TF: variants seen among roughly 807,000 people sequenced by gnomAD.
TF encodes serotransferrin.
In TF, 55 loss-of-function variants were observed where a neutral mutation model predicts 82.4. The observed-to-expected ratio is 0.67, with a 90% CI of 0.54 to 0.84. TF has a LOEUF of 0.84. Among genes scored for constraint, TF ranks in the 40% least tolerant of loss-of-function variants. The pLI is 0.00. For missense variants in TF, 737 were observed against 868.4 expected (o/e 0.85, Z 1.90); for synonymous variants, 332 against 332.6 (o/e 1.00, Z 0.02).
intron 14 of TF, chr3:133,775,056 C>T: frequency 2.9e-6 from 1 of 339,988 alleles, no homozygotes; most frequent in East Asian, 7.4e-5. Context: ...CCATGTGTTA[C>T]AGCACAGAAA....
At chr3:133,741,659 C>A (rs532727144), upstream of TF, among the ~76,000 whole-genome samples, 1 of 152,266 alleles carries the variant, frequency 6.6e-6, no homozygotes, top group African/African-American at 2.4e-5. Context: ...AAATGATGTT[C>A]CCATACTGAG....
At chr3:133,712,754 G>A in the TF span, 2 of 154,726 alleles carry the variant, frequency 1.3e-5, no homozygotes, top group Non-Finnish European at 2.9e-5. Context: ...GCCCACATAT[G>A]GGCTTACAAC....
chr3:133,775,340 C>CA (rs1934358863), intron 14 of TF, 93 bp from the exon 15 acceptor site: 1 of 1,358,094 alleles, frequency 7.4e-7, no homozygotes, highest in Admixed American at 1.7e-5. Context: ...CGAGAAGGCC[C>CA]AGGTTCTCTA....
chr3:133,746,894 A>T (rs1231050560), intron 1 of TF, among the ~76,000 whole-genome samples: 1 of 152,130 alleles, frequency 6.6e-6, no homozygotes, highest in African/African-American at 2.4e-5. Context: ...TGTCCTGCCA[A>T]GGAAGCGGTG....
At chr3:133,689,958 A>G in the TF span, among the ~76,000 whole-genome samples, 1 of 152,328 alleles carries the variant, frequency 6.6e-6, no homozygotes, top group Admixed American at 6.5e-5. Flanking sequence ...GATAAGTATA[A>G]TAAGGCAAAC....
chr3:133,746,416 C>A lies in TF; in HGVS notation c.-25C>A, dbSNP rs779832047. Reference sequence around the variant, plus strand: ...GCACAGAAGCGAGTCCGACTGTGCTCGCTGCTCAGCGCCGCACCCGGAAGA... The same window carrying A: ...GCACAGAAGCGAGTCCGACTGTGCTAGCTGCTCAGCGCCGCACCCGGAAGA... On this transcript the variant is annotated 5_prime_UTR_variant, in exon 1 of 17. Coordinates refer to ENST00000402696, the MANE Select transcript of TF (RefSeq NM_001063.4). 1.9e-6 allele frequency: 3 copies of A among 1,591,636 alleles called. No homozygotes were observed. Among genetic ancestry groups the A allele is most frequent in the Non-Finnish European group, 1.7e-6 (2 of 1,172,596 alleles).
At chr3:133,698,737 G>A in the TF span, among the ~76,000 whole-genome samples, 1 of 152,160 alleles carries the variant, frequency 6.6e-6, no homozygotes, top group East Asian at 1.9e-4. Flanking sequence ...TTCCAAATAA[G>A]GTCACATTCT....
At chr3:133,756,417 TA>T (rs1933831965) in intron 6 of TF, 80 bp downstream of exon 6, 1 of 1,432,562 alleles carries the variant, frequency 7.0e-7, no homozygotes, top group Non-Finnish European at 9.7e-7. Flanking sequence ...TCATGCTCAG[TA>T]ATTGGAAATG....
chr3:133,781,510 A>G lies in TF; in HGVS notation c.*2890A>G, dbSNP rs1284709337. 6.6e-6 allele frequency: 1 copy of G among 152,166 alleles called. No homozygotes were observed. 9.4% of individuals were successfully genotyped at this position (152,166 alleles called of 1,614,324 possible). Reference sequence around the variant, plus strand: ...AATTAATAAAAGCTACATTTAAACCACACTTATCAAAGTAAAAAATAATGT... The same window carrying G: ...AATTAATAAAAGCTACATTTAAACCGCACTTATCAAAGTAAAAAATAATGT... On this transcript the variant is annotated 3_prime_UTR_variant, in exon 17 of 17. Transcript: ENST00000402696.
chr3:133,690,112 T>C, the TF span, among the ~76,000 whole-genome samples: 6 of 151,824 alleles, frequency 4.0e-5, no homozygotes, highest in Admixed American at 3.3e-4. Context: ...TAGACATAAC[T>C]AGATAAATTA....
At chr3:133,775,338 C>T in intron 14 of TF, 95 bp from the exon 15 acceptor site, 8 of 1,334,126 alleles carry the variant, frequency 6.0e-6, no homozygotes, top group Non-Finnish European at 6.5e-6. Flanking sequence ...GGCGAGAAGG[C>T]CCAGGTTCTC....
the TF span, among the ~76,000 whole-genome samples, chr3:133,695,259 T>TC: frequency 7.4e-3 from 1,107 of 148,674 alleles, 18 homozygotes; most frequent in African/African-American, 0.026. Context: ...TTTTTTTTTT[T>TC]TTTTTTTGAG....
chr3:133,683,480 G>C, the TF span, among the ~76,000 whole-genome samples: 1 of 152,202 alleles, frequency 6.6e-6, no homozygotes, highest in East Asian at 1.9e-4. Flanking sequence ...GACACACATA[G>C]GCTTAAAATA....
chr3:133,665,606 G>A, the TF span, among the ~76,000 whole-genome samples: 1 of 151,930 alleles, frequency 6.6e-6, no homozygotes, highest in African/African-American at 2.4e-5. Context: ...AGTCTCTCCA[G>A]ACCCTGCTTG....
At position 133,747,952 on chromosome 3, in the gene TF, A is replaced by G. The variant is rs572475376; in HGVS notation, c.44-460A>G. Among the ~76,000 whole-genome samples, 5 of 151,884 alleles carry G rather than the reference A, an allele frequency of 3.3e-5. No individual in the cohort carries two copies. The East Asian group carries it at 7.7e-4, about 24-fold the overall frequency. On this transcript the variant is annotated intron_variant, in intron 1 of 16. Transcript: ENST00000402696. ...TGGGTTAAAAAAAAAAAAAGGCATC[A>G]TTCTCTGAGTCTCACTCCCTCTTCT...
At chr3:133,735,312 C>A in the TF span, among the ~76,000 whole-genome samples, 1 of 149,958 alleles carries the variant, frequency 6.7e-6, no homozygotes, top group African/African-American at 2.5e-5. Flanking sequence ...TGCACTCTAG[C>A]CTGAGCAACT....
chr3:133,670,214 G>C, the TF span, among the ~76,000 whole-genome samples: 1 of 152,210 alleles, frequency 6.6e-6, no homozygotes, highest in Non-Finnish European at 1.5e-5. Context: ...GTGCTTCACT[G>C]TCTCTCTGTA....
At chr3:133,719,485 A>T in the TF span, among the ~76,000 whole-genome samples, 1 of 152,154 alleles carries the variant, frequency 6.6e-6, no homozygotes, top group Admixed American at 6.5e-5. Context: ...TATGAGGCTC[A>T]AAGTGTGTTC....
the TF span, among the ~76,000 whole-genome samples, chr3:133,679,653 T>C: frequency 6.6e-6 from 1 of 150,616 alleles, no homozygotes; most frequent in African/African-American, 2.4e-5. Flanking sequence ...CTTCATTGCT[T>C]TTTATTATTG....
Sources: gnomAD v4.1 joint callset for allele counts (sites outside exome capture counted in the v4.1 genomes callset) on GRCh38, gnomAD v4.1.1 for gene constraint, MANE v1.5 for transcripts, NCBI Gene and HGNC (gene_info 2026-07-23, HGNC 2026-07-21) for gene names.